Variants in GABRB1 observed in about 807,000 individuals in gnomAD.
GABRB1 encodes gamma-aminobutyric acid receptor subunit beta-1.
GABRB1 carries 17 observed loss-of-function variants against 51.6 expected under a neutral mutation model. The ratio of observed to expected loss-of-function variants is 0.33; its 90% CI spans 0.23 to 0.49. GABRB1 has a LOEUF of 0.49. Ranked by LOEUF, GABRB1 falls within the 20% of genes least tolerant of loss-of-function variation. GABRB1 has a pLI of 0.99. For missense variants in GABRB1, 410 were observed against 600.6 expected (o/e 0.68, Z 3.32); for synonymous variants, 247 against 218.9 (o/e 1.13, Z -1.14).
chr4:47,121,934 G>T lies in GABRB1; in HGVS notation c.241-39315G>T, dbSNP rs148215510. On this transcript the variant is annotated intron_variant, in intron 3 of 8. Transcript: ENST00000295454. ...AAGCTTCTGTTTTTACTACTTAATA[G>T]TTAAATAATATTAATTTGTTAGGCA... Among the ~76,000 whole-genome samples, 13 of 152,190 alleles carry T rather than the reference G, an allele frequency of 8.5e-5. No homozygotes were observed. In the East Asian group the frequency reaches 2.5e-3, roughly 29 times the overall value.
chr4:47,199,510 T>C (rs1442197847), intron 4 of GABRB1, among the ~76,000 whole-genome samples: 5 of 152,116 alleles, frequency 3.3e-5, no homozygotes, highest in Non-Finnish European at 7.3e-5. Context: ...GCAAGAGACC[T>C]ACATAGTTTT....
chr4:47,302,615 AT>A (rs1205293076), intron 4 of GABRB1, among the ~76,000 whole-genome samples: 1 of 151,922 alleles, frequency 6.6e-6, no homozygotes, highest in Non-Finnish European at 1.5e-5. Flanking sequence ...ATTGTACAAT[AT>A]TTTCTTAATT....
At chr4:47,043,366 G>T (rs959938218) in intron 3 of GABRB1, 1 of 151,970 alleles carries the variant, frequency 6.6e-6, no homozygotes, top group Non-Finnish European at 1.5e-5. Context: ...ACATTGCTAC[G>T]TAAACAACAT....
chr4:47,293,714 AC>A (rs1210501728), intron 4 of GABRB1, among the ~76,000 whole-genome samples: 1 of 152,080 alleles, frequency 6.6e-6, no homozygotes, highest in Non-Finnish European at 1.5e-5. Flanking sequence ...TTTAGGATAA[AC>A]CTTTTTTATT....
At chr4:47,113,683 T>A (rs1376398910) in intron 3 of GABRB1, among the ~76,000 whole-genome samples, 2 of 152,196 alleles carry the variant, frequency 1.3e-5, no homozygotes, top group African/African-American at 4.8e-5. Context: ...GATCCTTAAT[T>A]AGTATCATTA....
At position 47,403,593 on chromosome 4, in the gene GABRB1, A is replaced by C. The variant is rs1186577954; in HGVS notation, c.717A>C (p.Leu239=). The change falls in exon 7 of 9, where the codon CTA becomes CTC. Residue 239 remains leucine (L), a synonymous_variant. Transcript: ENST00000295454. ...AYPRLSLSFR[L]KRNIGYFILQ... is the part of the protein sequence containing the mutation. ...CACGACTGTCACTAAGTTTTCGTCT[A>C]AAGAGAAACATTGGTTACTTCATTT... is the stretch of plus-strand genomic sequence containing the variant. The C allele has an allele frequency of 1.2e-6, 2 of 1,614,032 alleles. No individual in the cohort carries two copies. The highest frequency in any genetic ancestry group is 4.5e-5 in the East Asian group (2 of 44,880).
chr4:47,043,278 T>C (rs954335175), intron 3 of GABRB1: 8 of 151,782 alleles, frequency 5.3e-5, no homozygotes. Context: ...ATTTGGAGAG[T>C]AGGATATATT....
intron 1 of GABRB1, among the ~76,000 whole-genome samples, chr4:46,994,995 C>G (rs1430124774): frequency 6.6e-6 from 1 of 152,174 alleles, no homozygotes; most frequent in Non-Finnish European, 1.5e-5. Context: ...GAGCTCCGTG[C>G]TCTGTATTCT....
intron 4 of GABRB1, among the ~76,000 whole-genome samples, chr4:47,235,431 T>C (rs1156570737): frequency 6.6e-6 from 1 of 151,818 alleles, no homozygotes; most frequent in Non-Finnish European, 1.5e-5. Flanking sequence ...TGCCTGTAAT[T>C]CCAGCTACTC....
chr4:47,042,902 C>T (rs1725921183), intron 3 of GABRB1, among the ~76,000 whole-genome samples: 2 of 151,794 alleles, frequency 1.3e-5, no homozygotes, highest in Non-Finnish European at 2.9e-5. Flanking sequence ...ATCCTTGCTG[C>T]TACATGATCT....
At chr4:47,055,248 C>A (rs1726538934) in intron 3 of GABRB1, among the ~76,000 whole-genome samples, 1 of 152,100 alleles carries the variant, frequency 6.6e-6, no homozygotes, top group African/African-American at 2.4e-5. Context: ...AGCATAGAAT[C>A]TTGAATAGAG....
chr4:47,425,168 C>G (rs1729226567), intron 8 of GABRB1, among the ~76,000 whole-genome samples: 1 of 152,018 alleles, frequency 6.6e-6, no homozygotes, highest in African/African-American at 2.4e-5. Flanking sequence ...AGGAAAGATG[C>G]CCAGGCTGTA....
At chr4:47,050,764 A>G (rs1726314242) in intron 3 of GABRB1, among the ~76,000 whole-genome samples, 1 of 152,178 alleles carries the variant, frequency 6.6e-6, no homozygotes, top group Admixed American at 6.5e-5. Flanking sequence ...CCAACTCCAC[A>G]TAAATAAGAG....
intron 5 of GABRB1, among the ~76,000 whole-genome samples, chr4:47,335,343 T>G (rs994939917): frequency 2.0e-5 from 3 of 152,144 alleles, no homozygotes; most frequent in Non-Finnish European, 1.5e-5. Flanking sequence ...CCTCTTTGAA[T>G]TTGTACATGT....
At chr4:47,220,628 T>C (rs1477219844) in intron 4 of GABRB1, among the ~76,000 whole-genome samples, 1 of 151,992 alleles carries the variant, frequency 6.6e-6, no homozygotes, top group Non-Finnish European at 1.5e-5. Flanking sequence ...CTATTTTCAG[T>C]TAGTGGCATC....
At chr4:47,150,063 C>T (rs2109713885) in intron 3 of GABRB1, among the ~76,000 whole-genome samples, 1 of 151,846 alleles carries the variant, frequency 6.6e-6, no homozygotes, top group Admixed American at 6.6e-5. Flanking sequence ...AAGGAGCAGG[C>T]TATGGTCTTA....
intron 7 of GABRB1, among the ~76,000 whole-genome samples, chr4:47,404,488 T>TGC (rs1728500879): frequency 2.9e-5 from 2 of 69,848 alleles, no homozygotes; most frequent in East Asian, 3.9e-4. Context: ...CACACACGCA[T>TGC]GCACACACAC....
intron 4 of GABRB1, among the ~76,000 whole-genome samples, chr4:47,236,877 A>C (rs1228575793): frequency 2.6e-5 from 4 of 152,282 alleles, no homozygotes; most frequent in African/African-American, 9.6e-5. Context: ...GAAAAAGAAA[A>C]AGGTAAAGTT....
chr4:47,398,843 T>G (rs1328154697), intron 5 of GABRB1, among the ~76,000 whole-genome samples: 2 of 152,108 alleles, frequency 1.3e-5, no homozygotes, highest in African/African-American at 2.4e-5. Context: ...GCAGCTGGAG[T>G]GCAGTGGCGC....
Sources: allele counts gnomAD v4.1 joint callset (sites outside exome capture counted in the v4.1 genomes callset), GRCh38; gene constraint gnomAD v4.1.1; transcripts MANE v1.5; gene names NCBI Gene and HGNC (gene_info 2026-07-23, HGNC 2026-07-21).